Variants in BMERB1 observed in about 807,000 individuals in gnomAD.
BMERB1 encodes bMERB domain containing 1.
BMERB1 carries 12 observed loss-of-function variants against 23.6 expected under a neutral mutation model. The ratio of observed to expected loss-of-function variants is 0.51; its 90% CI spans 0.33 to 0.82. The LOEUF is 0.82. BMERB1 is among the 40% of genes least tolerant of loss of function. BMERB1 has a pLI of 0.03. For missense variants in BMERB1, 247 were observed against 255.4 expected, an observed-to-expected ratio of 0.97 and a Z score of 0.22; for synonymous variants, 122 against 96.6, an observed-to-expected ratio of 1.26 and a Z score of -1.54.
chr16:15,448,873 G>C (rs1471681097), intron 1 of BMERB1, among the ~76,000 whole-genome samples: 1 of 152,152 alleles, frequency 6.6e-6, no homozygotes, highest in Non-Finnish European at 1.5e-5. Flanking sequence ...AGGGAAAGAT[G>C]TGAGATTTTC....
At chr16:15,537,381 A>G (rs1004988310) in intron 2 of BMERB1, among the ~76,000 whole-genome samples, 1 of 151,070 alleles carries the variant, frequency 6.6e-6, no homozygotes, top group Non-Finnish European at 1.5e-5. Context: ...TTGAGACAGC[A>G]TCTCGCTCTG....
At chr16:15,569,762 A>C (rs2030677585) in intron 3 of BMERB1, among the ~76,000 whole-genome samples, 1 of 152,206 alleles carries the variant, frequency 6.6e-6, no homozygotes, top group South Asian at 2.1e-4. Flanking sequence ...GGCTGATCTT[A>C]GATTCTGCAA....
At chr16:15,551,467 G>T (rs2030090282) in intron 2 of BMERB1, among the ~76,000 whole-genome samples, 1 of 152,224 alleles carries the variant, frequency 6.6e-6, no homozygotes, top group South Asian at 2.1e-4. Flanking sequence ...GCTGCAGGAA[G>T]GAAGAGGACC....
chr16:15,530,779 C>G (rs2051958976), intron 2 of BMERB1, among the ~76,000 whole-genome samples: 1 of 152,174 alleles, frequency 6.6e-6, no homozygotes, highest in Non-Finnish European at 1.5e-5. Context: ...TGGCATTTCC[C>G]CTGCTGGCAT....
intron 1 of BMERB1, among the ~76,000 whole-genome samples, chr16:15,446,227 CAAAAAAAT>C (rs1482535715): frequency 6.6e-6 from 1 of 151,684 alleles, no homozygotes; most frequent in Non-Finnish European, 1.5e-5. Context: ...CTCATCTCTA[CAAAAAAAT>C]AAAAAAATAA....
At chr16:15,550,231 C>T (rs776546721) in intron 2 of BMERB1, among the ~76,000 whole-genome samples, 12 of 152,096 alleles carry the variant, frequency 7.9e-5, no homozygotes, top group African/African-American at 2.4e-4. Flanking sequence ...TGAGCCACCG[C>T]GCCCGGCCCA....
intron 1 of BMERB1, among the ~76,000 whole-genome samples, chr16:15,455,534 C>T (rs941749166): frequency 4.0e-5 from 6 of 151,872 alleles, no homozygotes; most frequent in Non-Finnish European, 7.4e-5. Flanking sequence ...GATCTTGGCT[C>T]ACTGCAAGCT....
chr16:15,523,978 C>T (rs1220269177), intron 2 of BMERB1, among the ~76,000 whole-genome samples: 2 of 152,112 alleles, frequency 1.3e-5, no homozygotes, highest in Non-Finnish European at 2.9e-5. Context: ...CAACTCTACC[C>T]TGGGGCCTTG....
intron 2 of BMERB1, among the ~76,000 whole-genome samples, chr16:15,556,774 CAG>C (rs1039047527): frequency 3.9e-5 from 6 of 151,940 alleles, no homozygotes; most frequent in African/African-American, 1.5e-4. Flanking sequence ...TTAGTAGAGA[CAG>C]GGTTTCACCA....
chr16:15,442,852 G>T (rs184048697), intron 1 of BMERB1, among the ~76,000 whole-genome samples: 1 of 152,116 alleles, frequency 6.6e-6, no homozygotes, highest in Non-Finnish European at 1.5e-5. Context: ...GTTATTCTTG[G>T]TTCAGTGCTG....
intron 1 of BMERB1, among the ~76,000 whole-genome samples, chr16:15,463,681 A>G (rs950214032): frequency 2.0e-5 from 3 of 152,082 alleles, no homozygotes; most frequent in Non-Finnish European, 4.4e-5. Context: ...ATGCTCCCCA[A>G]AAGATGTCAC....
In BMERB1 at chr16:15,572,014, A is replaced by G. The variant is rs1401369498; in HGVS notation, c.304+3958A>G. On this transcript the variant is annotated intron_variant, in intron 3 of 5. Coordinates refer to ENST00000300006, the MANE Select transcript of BMERB1 (RefSeq NM_033201.3). ...ATTGCTGCCTGTGTCTCTTTTTCCC[A>G]GGTGCCTCCTCGACTTTGGCAAAAT... is the stretch of plus-strand genomic sequence containing the variant. Among the ~76,000 whole-genome samples, 22 of 152,274 alleles carry G rather than the reference A, an allele frequency of 1.4e-4. No homozygotes were observed. In the South Asian group the frequency reaches 4.4e-3, roughly 30 times the overall value.
chr16:15,452,331 G>GGAGAGAAGGAGGGA (rs2051049830), intron 1 of BMERB1, among the ~76,000 whole-genome samples: 1 of 132,880 alleles, frequency 7.5e-6, no homozygotes, highest in Non-Finnish European at 1.6e-5. Context: ...AGGGAGGGAG[G>GGAGAGAAGGAGGGA]GAGAGAGAGA....
intron 2 of BMERB1, among the ~76,000 whole-genome samples, chr16:15,522,936 T>G (rs553742204): frequency 6.6e-6 from 1 of 152,306 alleles, no homozygotes; most frequent in Non-Finnish European, 1.5e-5. Context: ...CTCTACGTTG[T>G]CCCAAGGACA....
intron 1 of BMERB1, among the ~76,000 whole-genome samples, chr16:15,499,576 G>A (rs1423341460): frequency 2.6e-5 from 4 of 152,088 alleles, no homozygotes; most frequent in African/African-American, 9.7e-5. Context: ...ATAATCTTGT[G>A]GTTCACGAGA....
At chr16:15,572,158 C>G (rs1373742559) in intron 3 of BMERB1, among the ~76,000 whole-genome samples, 6 of 152,212 alleles carry the variant, frequency 3.9e-5, no homozygotes, top group Admixed American at 3.9e-4. Flanking sequence ...CCTTAGCAGG[C>G]AGGTGAACTT....
At chr16:15,514,681 G>C (rs1407745904) in intron 1 of BMERB1, among the ~76,000 whole-genome samples, 2 of 152,162 alleles carry the variant, frequency 1.3e-5, no homozygotes, top group Admixed American at 6.5e-5. Context: ...ATAAGGCTGA[G>C]GTGGGAGAAT....
intron 2 of BMERB1, among the ~76,000 whole-genome samples, chr16:15,556,533 C>A (rs1005320719): frequency 6.6e-6 from 1 of 152,204 alleles, no homozygotes; most frequent in Non-Finnish European, 1.5e-5. Context: ...TCTGTGCTTG[C>A]AGAATGGGGC....
chr16:15,447,817 T>C (rs1427857028), intron 1 of BMERB1: 1 of 455,468 alleles, frequency 2.2e-6, no homozygotes, highest in African/African-American at 2.0e-5. Context: ...CACTAGACTT[T>C]GGTGGATTAA....
Sources: allele counts gnomAD v4.1 joint callset (sites outside exome capture counted in the v4.1 genomes callset), GRCh38; gene constraint gnomAD v4.1.1; transcripts MANE v1.5; gene names NCBI Gene and HGNC (gene_info 2026-07-23, HGNC 2026-07-21).